The following MYO3B variants were observed in gnomAD, a reference collection of about 807,000 sequenced individuals.
MYO3B encodes myosin-IIIb.
A neutral mutation model predicts 174.6 loss-of-function variants in MYO3B; 156 were observed. The ratio of observed to expected loss-of-function variants is 0.89; its 90% CI spans 0.78 to 1.02. The LOEUF is 1.02. Among genes scored for constraint, MYO3B ranks in the 50% least tolerant of loss-of-function variants. The pLI is 0.00. For synonymous variants in MYO3B, 563 were observed against 569.1 expected (o/e 0.99, Z 0.15); for missense variants, 1,632 against 1,639.4 (o/e 1.00, Z 0.08).
At chr2:170,374,733 C>G (rs1574871767) in intron 9 of MYO3B, among the ~76,000 whole-genome samples, 1 of 140,610 alleles carries the variant, frequency 7.1e-6, no homozygotes, top group Non-Finnish European at 1.5e-5. Flanking sequence ...CTATTTCACT[C>G]TCTCTATATA....
intron 7 of MYO3B, among the ~76,000 whole-genome samples, chr2:170,299,730 C>T (rs1217513937): frequency 1.3e-5 from 2 of 152,168 alleles, no homozygotes; most frequent in South Asian, 2.1e-4. Context: ...CCTTTGTTCT[C>T]AGGACACTGA....
rs192749258 is a variant in MYO3B at position 170,544,314 on chromosome 2, G to A, written c.3733+326G>A. ...TTAGTGGAGCGGATCACGCAGGGTC[G>A]AAATCTAGGAGTTGATAAAGAATAT... On this transcript the variant is annotated intron_variant, in intron 32 of 34. Transcript: ENST00000408978. 2.5e-4 allele frequency among the ~76,000 whole-genome samples: 38 copies of A among 152,282 alleles called. No homozygotes were observed. The East Asian group carries it at 7.3e-3, about 29-fold the overall frequency.
chr2:170,259,265 A>C (rs1228300605), intron 7 of MYO3B, among the ~76,000 whole-genome samples: 5 of 152,194 alleles, frequency 3.3e-5, no homozygotes, highest in Admixed American at 3.3e-4. Context: ...AAGCAATCCT[A>C]AGCAAAAAGA....
Position 170,649,089 on chromosome 2 carries a change from ATATAATG to A in MYO3B, c.3734-2534_3734-2528del, listed in dbSNP as rs1318384424. On this transcript the variant is annotated intron_variant, in intron 32 of 34. Coordinates refer to ENST00000408978, the MANE Select transcript of MYO3B (RefSeq NM_138995.5). ...TAATGTATATTATATATAAAATAAT[ATATAATG>A]TATATTATATATAAAATAATATATA... 2.1e-3 allele frequency among the ~76,000 whole-genome samples: 173 copies of A among 83,022 alleles called. 17 individuals are homozygous for A. The highest frequency in any genetic ancestry group is 9.7e-3 in the African/African-American group (169 of 17,410). 54.5% of individuals were successfully genotyped at this position (83,022 alleles called of 152,430 possible). A position where few individuals can be genotyped will look rare whatever the true frequency, so the allele number is the denominator to read the frequency against.
At chr2:170,361,015 C>T (rs544422167) in intron 8 of MYO3B, among the ~76,000 whole-genome samples, 11 of 152,346 alleles carry the variant, frequency 7.2e-5, no homozygotes, top group African/African-American at 2.6e-4. Context: ...AGCACTCATA[C>T]TGCTAATTAT....
intron 7 of MYO3B, among the ~76,000 whole-genome samples, chr2:170,329,103 G>T (rs1228900573): frequency 6.6e-6 from 1 of 151,630 alleles, no homozygotes; most frequent in African/African-American, 2.4e-5. Flanking sequence ...AGTGAGCCAA[G>T]ATCGCTCCAT....
rs752825996 is a variant in MYO3B, at chr2:170,499,654, C to T, written c.3135C>T (p.Leu1045=). The part of the protein sequence containing the change: ...HWVLGKTKVF[L]KYYHVEQLNL... ...CTACTGTCTCGTTTCAGGTTTTTCT[C>T]AAATATTACCATGTTGAGCAATTAA... is the stretch of plus-strand genomic sequence containing the variant. The change falls in exon 27 of 35, where the codon CTC becomes CTT. Residue 1045 remains leucine (L), a synonymous_variant. Coordinates refer to ENST00000408978, the MANE Select transcript of MYO3B (RefSeq NM_138995.5). The T allele has an allele frequency of 1.9e-6, 3 of 1,613,740 alleles. No individual in the cohort carries two copies. Among genetic ancestry groups the T allele is most frequent in the East Asian group, 4.5e-5 (2 of 44,890 alleles).
intron 32 of MYO3B, among the ~76,000 whole-genome samples, chr2:170,635,461 C>A (rs183252602): frequency 6.7e-6 from 1 of 148,946 alleles, no homozygotes; most frequent in African/African-American, 2.5e-5. Flanking sequence ...AGGGGCCTGT[C>A]GTGGGGTGGG....
chr2:170,487,718 CA>C (rs1686157439), intron 25 of MYO3B, among the ~76,000 whole-genome samples: 1 of 152,104 alleles, frequency 6.6e-6, no homozygotes, highest in African/African-American at 2.4e-5. Context: ...GTGCAAAACT[CA>C]ATTGGAGGGA....
chr2:170,386,438 A>G (rs1385986233), intron 13 of MYO3B, among the ~76,000 whole-genome samples, 166 bp downstream of exon 13: 1 of 152,180 alleles, frequency 6.6e-6, no homozygotes, highest in East Asian at 1.9e-4. Flanking sequence ...AGATGTCAGC[A>G]TGCTATCCTT....
At chr2:170,538,087 G>A (rs1689846368) in intron 30 of MYO3B, among the ~76,000 whole-genome samples, 1 of 152,190 alleles carries the variant, frequency 6.6e-6, no homozygotes, top group South Asian at 2.1e-4. Flanking sequence ...TGGAGAATCT[G>A]AGGGGAGCCA....
intron 25 of MYO3B, among the ~76,000 whole-genome samples, chr2:170,489,547 G>T (rs1331560479): frequency 1.3e-5 from 2 of 152,106 alleles, no homozygotes. Flanking sequence ...TAGCAATATT[G>T]TAAGTTTATC....
At chr2:170,451,366 G>C (rs1450451555) in intron 23 of MYO3B, among the ~76,000 whole-genome samples, 1 of 152,196 alleles carries the variant, frequency 6.6e-6, no homozygotes, top group East Asian at 1.9e-4. Flanking sequence ...CATGTCCCTA[G>C]GCCTTATCTA....
At chr2:170,407,592 T>C (rs2094518547) in intron 21 of MYO3B, 123 bp from the exon 22 acceptor site, 2 of 1,081,200 alleles carry the variant, frequency 1.8e-6, no homozygotes, top group Non-Finnish European at 2.7e-6. Flanking sequence ...GCTCTGGATA[T>C]GAAAGCTATG....
At chr2:170,533,167 G>C (rs1689466513) in intron 30 of MYO3B, among the ~76,000 whole-genome samples, 1 of 152,062 alleles carries the variant, frequency 6.6e-6, no homozygotes, top group Non-Finnish European at 1.5e-5. Context: ...TGGTCCTCAA[G>C]CTTCTCGGCT....
At chr2:170,530,463 T>C (rs1235861179) in intron 30 of MYO3B, among the ~76,000 whole-genome samples, 1 of 152,168 alleles carries the variant, frequency 6.6e-6, no homozygotes, top group Non-Finnish European at 1.5e-5. Context: ...TTTGCAAATA[T>C]CTTAATGGGA....
At chr2:170,459,146 G>A (rs7584157) in intron 23 of MYO3B, among the ~76,000 whole-genome samples, 19 of 152,300 alleles carry the variant, frequency 1.2e-4, no homozygotes, top group African/African-American at 4.6e-4. Flanking sequence ...AAGATTTATT[G>A]CGAAGAGTGA....
At chr2:170,552,013 G>A (rs1690957900) in intron 32 of MYO3B, among the ~76,000 whole-genome samples, 1 of 152,090 alleles carries the variant, frequency 6.6e-6, no homozygotes, top group Non-Finnish European at 1.5e-5. Context: ...CTCCAGTCAT[G>A]CCTCCTGTAC....
chr2:170,541,948 A>G (rs927102919), intron 30 of MYO3B, among the ~76,000 whole-genome samples: 51 of 152,214 alleles, frequency 3.4e-4, no homozygotes, highest in Admixed American at 1.6e-3. Context: ...AAATAAATAT[A>G]CGGAAATGAA....
Sources: allele counts gnomAD v4.1 joint callset (sites outside exome capture counted in the v4.1 genomes callset), GRCh38; gene constraint gnomAD v4.1.1; transcripts MANE v1.5; gene names NCBI Gene and HGNC (gene_info 2026-07-23, HGNC 2026-07-21).